The following PLCB1 variants were observed in gnomAD, a reference collection of about 807,000 sequenced individuals.
PLCB1 encodes 1-phosphatidylinositol 4,5-bisphosphate phosphodiesterase beta-1.
A neutral mutation model predicts 161.8 loss-of-function variants in PLCB1; 46 were observed. The observed-to-expected ratio is 0.28, with a 90% confidence interval of 0.22 to 0.36. The LOEUF is 0.36. Ranked by LOEUF, PLCB1 falls within the 10% of genes least tolerant of loss-of-function variation. PLCB1 has a pLI of 1.00. For missense variants in PLCB1, 1,016 were observed against 1,472.5 expected, an observed-to-expected ratio of 0.69 and a Z score of 5.07; for synonymous variants, 517 against 503.7, an observed-to-expected ratio of 1.03 and a Z score of -0.35.
At chr20:8,229,099 A>G (rs915154769) in intron 2 of PLCB1, among the ~76,000 whole-genome samples, 2 of 152,016 alleles carry the variant, frequency 1.3e-5, no homozygotes, top group African/African-American at 2.4e-5. Flanking sequence ...TAAGAGATCA[A>G]TGTTTGTAGC....
At chr20:8,440,722 A>G (rs1980521473) in intron 3 of PLCB1, among the ~76,000 whole-genome samples, 1 of 152,126 alleles carries the variant, frequency 6.6e-6, no homozygotes. Flanking sequence ...AAATTCTAGT[A>G]TTGTATAGCT....
At position 8,594,374 on chromosome 20, in the gene PLCB1, C is replaced by A. The variant is rs921742944; in HGVS notation, c.247-33920C>A. 2.6e-5 allele frequency among the ~76,000 whole-genome samples: 4 copies of A among 151,680 alleles called. No individual in the cohort carries two copies. The East Asian group carries it at 7.7e-4, about 29-fold the overall frequency. ...TCCATGGTGTTCCTGGGCTACTCCA[C>A]CACGCTACAATACATTGCCTTCAAT... On this transcript the variant is annotated intron_variant, in intron 3 of 31. Coordinates refer to ENST00000338037, the MANE Select transcript of PLCB1 (RefSeq NM_015192.4).
intron 27 of PLCB1, among the ~76,000 whole-genome samples, chr20:8,775,073 C>CTT (rs71184112): frequency 5.0e-4 from 62 of 123,908 alleles, no homozygotes; most frequent in African/African-American, 1.9e-3. Flanking sequence ...CAAATTTTCC[C>CTT]TTTTTTTTTT....
At chr20:8,182,964 T>A (rs1018163828) in intron 2 of PLCB1, among the ~76,000 whole-genome samples, 1 of 131,240 alleles carries the variant, frequency 7.6e-6, no homozygotes. Flanking sequence ...ACCACAAATA[T>A]GACTCTTCTG....
intron 11 of PLCB1, among the ~76,000 whole-genome samples, chr20:8,699,002 G>A (rs1030615060): frequency 2.0e-5 from 3 of 152,138 alleles, no homozygotes; most frequent in African/African-American, 7.2e-5. Flanking sequence ...TTCCCCAGGG[G>A]GTAGGGGCCA....
chr20:8,146,865 C>T (rs2051459268), intron 1 of PLCB1, among the ~76,000 whole-genome samples: 2 of 152,130 alleles, frequency 1.3e-5, no homozygotes, highest in African/African-American at 2.4e-5. Flanking sequence ...AAATAAAGAG[C>T]AGCAAGTAGA....
chr20:8,370,719 C>T (rs1213518150), intron 2 of PLCB1, among the ~76,000 whole-genome samples: 1 of 152,216 alleles, frequency 6.6e-6, no homozygotes, highest in Admixed American at 6.5e-5. Flanking sequence ...TAGTAGTCAA[C>T]TTTAAAATTG....
chr20:8,600,826 G>T (rs1460761454), intron 3 of PLCB1: 1 of 152,196 alleles, frequency 6.6e-6, no homozygotes, highest in Non-Finnish European at 1.5e-5. Context: ...AAGCCCGTTG[G>T]AAAAGCGCAG....
At chr20:8,181,386 AGATTTCTTTAT>A (rs2051842517) in intron 2 of PLCB1, among the ~76,000 whole-genome samples, 1 of 152,122 alleles carries the variant, frequency 6.6e-6, no homozygotes, top group Admixed American at 6.6e-5. Context: ...GTGCATCTTC[AGATTTCTTTAT>A]GATTTCTTTA....
At chr20:8,537,303 A>G (rs1985093247) in intron 3 of PLCB1, among the ~76,000 whole-genome samples, 1 of 152,310 alleles carries the variant, frequency 6.6e-6, no homozygotes, top group South Asian at 2.1e-4. Context: ...TACTTCCTGC[A>G]TCTTTTGTCC....
At chr20:8,424,710 T>G (rs192190590) in intron 3 of PLCB1, among the ~76,000 whole-genome samples, 31 of 152,316 alleles carry the variant, frequency 2.0e-4, no homozygotes, top group African/African-American at 7.0e-4. Flanking sequence ...TCCACCAAAA[T>G]ACTTAGAAAG....
At chr20:8,217,587 G>A (rs6055661) in intron 2 of PLCB1, among the ~76,000 whole-genome samples, 1,852 of 152,236 alleles carry the variant, frequency 0.012, 43 homozygotes, top group African/African-American at 0.042. Flanking sequence ...ACCAAAGTAT[G>A]AAATGCAGTG....
intron 3 of PLCB1, among the ~76,000 whole-genome samples, chr20:8,607,335 A>G (rs1486245155): frequency 6.6e-6 from 1 of 152,108 alleles, no homozygotes; most frequent in Non-Finnish European, 1.5e-5. Context: ...AAATTAAATC[A>G]TTTCACTCCC....
At chr20:8,169,629 T>G (rs773587851) in intron 2 of PLCB1, among the ~76,000 whole-genome samples, 8 of 152,140 alleles carry the variant, frequency 5.3e-5, no homozygotes, top group Non-Finnish European at 8.8e-5. Flanking sequence ...AATGCCAGTG[T>G]CTCAGGTTGC....
chr20:8,655,976 C>A (rs909059708), intron 7 of PLCB1, among the ~76,000 whole-genome samples: 5 of 151,938 alleles, frequency 3.3e-5, no homozygotes, highest in Admixed American at 6.6e-5. Flanking sequence ...CTTTTGGAAA[C>A]CTGCTTGCAG....
intron 2 of PLCB1, among the ~76,000 whole-genome samples, chr20:8,153,131 G>A (rs1399932992): frequency 6.6e-6 from 1 of 152,144 alleles, no homozygotes; most frequent in East Asian, 1.9e-4. Flanking sequence ...ACTAAAGCTA[G>A]CGAGTCATTT....
chr20:8,614,642 G>A (rs1987999802), intron 3 of PLCB1, among the ~76,000 whole-genome samples: 1 of 149,844 alleles, frequency 6.7e-6, no homozygotes, highest in South Asian at 2.1e-4. Flanking sequence ...GTAGAGAAAT[G>A]TCTACAACTG....
intron 2 of PLCB1, among the ~76,000 whole-genome samples, chr20:8,183,857 A>C (rs530923386): frequency 6.6e-6 from 1 of 152,288 alleles, no homozygotes; most frequent in African/African-American, 2.4e-5. Context: ...ACTGAGATAA[A>C]AGTTAACTCT....
intron 3 of PLCB1, among the ~76,000 whole-genome samples, chr20:8,390,206 C>T (rs540684630): frequency 6.6e-6 from 1 of 152,176 alleles, no homozygotes; most frequent in Non-Finnish European, 1.5e-5. Context: ...AGCGGGAAGT[C>T]TGAGACAAAA....
Sources: gnomAD v4.1 joint callset for allele counts (sites outside exome capture counted in the v4.1 genomes callset) on GRCh38, gnomAD v4.1.1 for gene constraint, MANE v1.5 for transcripts, NCBI Gene and HGNC (gene_info 2026-07-23, HGNC 2026-07-21) for gene names.